The following KCNIP4 variants were observed in gnomAD, a reference collection of about 807,000 sequenced individuals.
KCNIP4 encodes Kv channel-interacting protein 4.
In KCNIP4, 12 loss-of-function variants were observed where a neutral mutation model predicts 34.0. That is an observed-to-expected ratio of 0.35 (90% CI 0.23 to 0.57). KCNIP4 has a LOEUF of 0.57. Ranked by LOEUF, KCNIP4 falls within the 20% of genes least tolerant of loss-of-function variation. The pLI, the probability that KCNIP4 is intolerant of heterozygous loss-of-function variation, is 0.83. For missense variants in KCNIP4, 238 were observed against 311.7 expected, an observed-to-expected ratio of 0.76 and a Z score of 1.78; for synonymous variants, 124 against 102.2, an observed-to-expected ratio of 1.21 and a Z score of -1.29.
At chr4:21,583,335 G>T (rs1334263582) in intron 1 of KCNIP4, among the ~76,000 whole-genome samples, 1 of 151,896 alleles carries the variant, frequency 6.6e-6, no homozygotes, top group Non-Finnish European at 1.5e-5. Context: ...ATTTAGGCTT[G>T]CTGTGCTTCA....
intron 1 of KCNIP4, among the ~76,000 whole-genome samples, chr4:21,176,564 G>GC (rs1486958896): frequency 2.6e-5 from 4 of 151,980 alleles, no homozygotes; most frequent in African/African-American, 9.7e-5. Flanking sequence ...TATTGCCCAG[G>GC]CTAGATAGAG....
chr4:21,387,834 G>A (rs1351078994), intron 1 of KCNIP4, among the ~76,000 whole-genome samples: 1 of 152,162 alleles, frequency 6.6e-6, no homozygotes, highest in Non-Finnish European at 1.5e-5. Flanking sequence ...GTACTCACAA[G>A]CATTGCGAAA....
intron 1 of KCNIP4, among the ~76,000 whole-genome samples, chr4:21,334,493 C>A (rs1476120937): frequency 1.3e-5 from 2 of 151,862 alleles, no homozygotes; most frequent in Admixed American, 6.6e-5. Flanking sequence ...ATTCCCTTAC[C>A]ATTTTTTAAA....
chr4:21,719,090 A>G (rs572001787), intron 1 of KCNIP4: 3 of 152,224 alleles, frequency 2.0e-5, no homozygotes, highest in Non-Finnish European at 4.4e-5. Context: ...CATTGAAGTA[A>G]TATTTTCTGC....
chr4:21,153,422 A>G (rs1206605361), intron 1 of KCNIP4, among the ~76,000 whole-genome samples: 3 of 149,396 alleles, frequency 2.0e-5, no homozygotes, highest in Non-Finnish European at 4.5e-5. Flanking sequence ...GGGCATTAGT[A>G]TTTCTTTGTT....
chr4:21,582,481 A>G (rs987763860), intron 1 of KCNIP4: 2 of 151,900 alleles, frequency 1.3e-5, no homozygotes, highest in Admixed American at 6.6e-5. Context: ...AAATAAATAT[A>G]CTTTAGACTT....
chr4:21,185,255 TA>T (rs952549672), intron 1 of KCNIP4, among the ~76,000 whole-genome samples: 2 of 151,752 alleles, frequency 1.3e-5, no homozygotes, highest in Non-Finnish European at 1.5e-5. Flanking sequence ...TTAAAAATCC[TA>T]AGTCATGACA....
chr4:21,757,607 T>C (rs1483416524), intron 1 of KCNIP4, among the ~76,000 whole-genome samples: 1 of 152,190 alleles, frequency 6.6e-6, no homozygotes, highest in Admixed American at 6.6e-5. Flanking sequence ...AGCCAGAGAC[T>C]TGGAATCAAC....
chr4:21,388,657 TA>T (rs1334569785), intron 1 of KCNIP4, among the ~76,000 whole-genome samples: 12 of 152,108 alleles, frequency 7.9e-5, no homozygotes, highest in African/African-American at 2.9e-4. Context: ...TCCTTTTAGC[TA>T]TTACCCTCCA....
At chr4:20,984,617 C>T (rs892956248) in intron 1 of KCNIP4, among the ~76,000 whole-genome samples, 3 of 152,182 alleles carry the variant, frequency 2.0e-5, no homozygotes, top group Non-Finnish European at 4.4e-5. Context: ...ACACCTGAGC[C>T]TCCCCCGCCA....
chr4:21,646,146 A>G, intron 1 of KCNIP4, among the ~76,000 whole-genome samples: 1 of 152,232 alleles, frequency 6.6e-6, no homozygotes, highest in Non-Finnish European at 1.5e-5. Flanking sequence ...CTCCAACAAG[A>G]TATTAATCTT....
At chr4:20,932,627 A>C (rs971478673) in intron 1 of KCNIP4, among the ~76,000 whole-genome samples, 5 of 152,266 alleles carry the variant, frequency 3.3e-5, no homozygotes, top group African/African-American at 1.2e-4. Context: ...CACCATAGTA[A>C]CCATTTTACT....
At chr4:21,890,920 C>G (rs971831234) in intron 1 of KCNIP4, among the ~76,000 whole-genome samples, 3 of 152,028 alleles carry the variant, frequency 2.0e-5, no homozygotes, top group African/African-American at 7.2e-5. Context: ...TCAGTAGTGG[C>G]AGGGTAGACA....
intron 1 of KCNIP4, among the ~76,000 whole-genome samples, chr4:21,189,495 TA>T (rs1482953930): frequency 2.6e-5 from 4 of 152,208 alleles, no homozygotes; most frequent in East Asian, 3.9e-4. Context: ...ATCCATGCCA[TA>T]AAAAATGCTT....
At chr4:20,923,745 G>A (rs1729632165) in intron 1 of KCNIP4, among the ~76,000 whole-genome samples, 1 of 152,126 alleles carries the variant, frequency 6.6e-6, no homozygotes, top group Non-Finnish European at 1.5e-5. Flanking sequence ...TGTTTGTCAT[G>A]TTAAACTGTG....
intron 1 of KCNIP4, among the ~76,000 whole-genome samples, chr4:21,449,810 T>G (rs966443046): frequency 6.6e-6 from 1 of 152,142 alleles, no homozygotes. Context: ...CAAATGTTTT[T>G]CAGTGATTAA....
intron 1 of KCNIP4, among the ~76,000 whole-genome samples, chr4:21,133,664 G>A (rs919289608): frequency 3.3e-5 from 5 of 151,962 alleles, no homozygotes; most frequent in African/African-American, 1.2e-4. Context: ...ATTCCTATTT[G>A]CTAAATACTG....
At chr4:21,900,866 T>C (rs1291466806) in intron 1 of KCNIP4, among the ~76,000 whole-genome samples, 1 of 152,194 alleles carries the variant, frequency 6.6e-6, no homozygotes, top group African/African-American at 2.4e-5. Context: ...AATGTCACTT[T>C]AATGACTACA....
intron 1 of KCNIP4, among the ~76,000 whole-genome samples, chr4:21,069,470 G>C (rs1462536910): frequency 2.6e-5 from 4 of 152,190 alleles, no homozygotes; most frequent in Non-Finnish European, 5.9e-5. Context: ...AGTGACCTCA[G>C]TCTAGAGGAC....
Sources: allele counts gnomAD v4.1 joint callset (sites outside exome capture counted in the v4.1 genomes callset), GRCh38; gene constraint gnomAD v4.1.1; transcripts MANE v1.5; gene names NCBI Gene and HGNC (gene_info 2026-07-23, HGNC 2026-07-21).